The following TXNRD1 variants were observed in gnomAD, a reference collection of about 807,000 sequenced individuals.
The protein encoded by TXNRD1 is thioredoxin reductase 1, cytoplasmic.
A neutral mutation model predicts 80.3 loss-of-function variants in TXNRD1; 57 were observed. The observed-to-expected ratio is 0.71, with a 90% confidence interval of 0.57 to 0.89. The LOEUF is 0.89. Among genes scored for constraint, TXNRD1 ranks in the 40% least tolerant of loss-of-function variants. The pLI is 0.00. For missense variants in TXNRD1, 730 were observed against 803.0 expected (o/e 0.91, Z 1.10); for synonymous variants, 291 against 285.2 (o/e 1.02, Z -0.20).
At chr12:104,225,725 T>C (rs1330279484) in intron 1 of TXNRD1, among the ~76,000 whole-genome samples, 46 of 152,052 alleles carry the variant, frequency 3.0e-4, no homozygotes, top group Admixed American at 2.7e-3. Flanking sequence ...CTTTTTTTTT[T>C]TTTTTTTATA....
At position 104,309,886 on chromosome 12, in the gene TXNRD1, C is replaced by T; in HGVS notation, c.415-1404C>T. On this transcript the variant is annotated intron_variant, in intron 4 of 16. Transcript: ENST00000525566. Reference sequence around the variant, plus strand: ...TGGTGCAGTCTTGCCCCCACTGTTGCTGGTTTCCAGGTGTTCTCCCTTCAG... The same window carrying T: ...TGGTGCAGTCTTGCCCCCACTGTTGTTGGTTTCCAGGTGTTCTCCCTTCAG... 2.0e-6 allele frequency: 3 copies of T among 1,536,072 alleles called. 1 individual carries two copies. Among genetic ancestry groups the T allele is most frequent in the South Asian group, 1.2e-5 (1 of 84,032 alleles).
At chr12:104,219,924 G>C (rs1772941453) in intron 1 of TXNRD1, among the ~76,000 whole-genome samples, 1 of 152,082 alleles carries the variant, frequency 6.6e-6, no homozygotes, top group African/African-American at 2.4e-5. Context: ...TTACATGCTG[G>C]GAATGTGTAG....
intron 2 of TXNRD1, among the ~76,000 whole-genome samples, chr12:104,257,567 C>T (rs12314315): frequency 0.023 from 3,495 of 152,008 alleles, 121 homozygotes; most frequent in African/African-American, 0.078. Context: ...CCACCACGCC[C>T]GGCTAATTTT....
At chr12:104,288,165 AT>A in intron 3 of TXNRD1, among the ~76,000 whole-genome samples, 1 of 151,990 alleles carries the variant, frequency 6.6e-6, no homozygotes, top group East Asian at 1.9e-4. Context: ...TAATTTTTGT[AT>A]TTTTAGTAGA....
intron 4 of TXNRD1, chr12:104,304,186 A>G: frequency 1.9e-6 from 3 of 1,614,084 alleles, no homozygotes; most frequent in South Asian, 1.1e-5. Flanking sequence ...GCCGAACCAG[A>G]GAAGCAGCCC....
chr12:104,248,364 A>G (rs2033037377), intron 1 of TXNRD1, among the ~76,000 whole-genome samples: 1 of 152,262 alleles, frequency 6.6e-6, no homozygotes, highest in South Asian at 2.1e-4. Context: ...GGCTCACTGC[A>G]ACCTCCACCT....
At chr12:104,310,007 T>G in intron 4 of TXNRD1, 1 of 1,536,202 alleles carries the variant, frequency 6.5e-7, no homozygotes, top group Non-Finnish European at 8.7e-7. Flanking sequence ...CCCTTCCACA[T>G]CCCAAGAACC....
intron 3 of TXNRD1, chr12:104,265,291 G>A (rs2033453906): frequency 5.1e-6 from 8 of 1,576,258 alleles, no homozygotes; most frequent in Middle Eastern, 2.2e-4. Flanking sequence ...GGGTGGCGGC[G>A]AACGCGGAGA....
At chr12:104,305,304 A>G (rs118037668) in intron 4 of TXNRD1, 1 of 159,130 alleles carries the variant, frequency 6.3e-6, no homozygotes, top group South Asian at 2.0e-4. Flanking sequence ...GAACCAAGAG[A>G]ATCCCAGAAA....
rs1191767228 is a variant in TXNRD1, at chr12:104,274,372, A to G, written c.305-14559A>G. On this transcript the variant is annotated intron_variant, in intron 3 of 16. Coordinates refer to ENST00000525566, the MANE Select transcript of TXNRD1 (RefSeq NM_001093771.3). The stretch of plus-strand genomic sequence containing the variant: ...GGGGATGTTCTTCTCAAGATCAACT[A>G]TCTAATAGTGTTTAAGAATTTAGAG... Among the ~76,000 whole-genome samples, 9 of 152,240 alleles carry G rather than the reference A, an allele frequency of 5.9e-5. No individual in the cohort carries two copies. In the East Asian group the frequency reaches 1.2e-3, roughly 20 times the overall value.
intron 4 of TXNRD1, chr12:104,304,739 G>T (rs745652267): frequency 1.9e-6 from 3 of 1,613,758 alleles, no homozygotes; most frequent in Non-Finnish European, 2.5e-6. Flanking sequence ...TGTAAGAGAT[G>T]GTTTTGCAAG....
chr12:104,220,178 A>G (rs1355139532), intron 1 of TXNRD1, among the ~76,000 whole-genome samples: 1 of 152,186 alleles, frequency 6.6e-6, no homozygotes, highest in Non-Finnish European at 1.5e-5. Context: ...AGGGTGAGTC[A>G]GATGCCCCAA....
chr12:104,218,390 A>G (rs1326225412), intron 1 of TXNRD1, among the ~76,000 whole-genome samples: 3 of 152,100 alleles, frequency 2.0e-5, no homozygotes, highest in African/African-American at 4.8e-5. Context: ...TTACAAACGA[A>G]GTATATGCAT....
intron 3 of TXNRD1, among the ~76,000 whole-genome samples, chr12:104,287,986 T>C (rs574569790): frequency 1.9e-3 from 289 of 151,970 alleles, no homozygotes; most frequent in Non-Finnish European, 3.1e-3. Flanking sequence ...TTTTTGTTGG[T>C]TTTTTTTGTT....
At chr12:104,251,423 G>A (rs1468897762) in intron 1 of TXNRD1, 104 bp from the exon 2 acceptor site, 1 of 1,220,126 alleles carries the variant, frequency 8.2e-7, no homozygotes, top group East Asian at 2.5e-5. Flanking sequence ...ATTTTGGCCT[G>A]TGGGACTTAA....
In TXNRD1 at chr12:104,283,818, C is replaced by T. The variant is rs553472452; in HGVS notation, c.305-5113C>T. On this transcript the variant is annotated intron_variant, in intron 3 of 16. Transcript: ENST00000525566. Reference sequence around the variant, plus strand: ...CTGAGAGGCGGAGGCTGCGGTGAGCCGAGATAGTGCCATTGCCCTCCAGCC... The same window carrying T: ...CTGAGAGGCGGAGGCTGCGGTGAGCTGAGATAGTGCCATTGCCCTCCAGCC... Among the ~76,000 whole-genome samples, 15 of 152,072 alleles carry T rather than the reference C, an allele frequency of 9.9e-5. No individual in the cohort carries two copies. The South Asian group carries it at 2.3e-3, about 23-fold the overall frequency.
intron 1 of TXNRD1, among the ~76,000 whole-genome samples, chr12:104,247,354 C>A (rs971993375): frequency 3.9e-5 from 6 of 152,206 alleles, no homozygotes; most frequent in Admixed American, 3.9e-4. Flanking sequence ...AGGTGTGAGC[C>A]ACCACGCCTG....
chr12:104,330,286 G>C (rs1040320932), intron 13 of TXNRD1, among the ~76,000 whole-genome samples: 1 of 152,164 alleles, frequency 6.6e-6, no homozygotes, highest in Non-Finnish European at 1.5e-5. Context: ...GCTTTTACCA[G>C]ATGGCATTAT....
At chr12:104,299,278 G>C (rs1459886542) in intron 4 of TXNRD1, among the ~76,000 whole-genome samples, 1 of 151,932 alleles carries the variant, frequency 6.6e-6, no homozygotes, top group Admixed American at 6.6e-5. Flanking sequence ...AAGCAAGCTG[G>C]CTAAGATAAT....
Sources: gnomAD v4.1 joint callset for allele counts (sites outside exome capture counted in the v4.1 genomes callset) on GRCh38, gnomAD v4.1.1 for gene constraint, MANE v1.5 for transcripts, NCBI Gene and HGNC (gene_info 2026-07-23, HGNC 2026-07-21) for gene names.